USP28: variants seen among roughly 807,000 people sequenced by gnomAD.
The protein encoded by USP28 is ubiquitin specific peptidase 28.
A neutral mutation model predicts 145.0 loss-of-function variants in USP28; 113 were observed. That is an observed-to-expected ratio of 0.78 (90% confidence interval 0.67 to 0.91). The LOEUF (loss-of-function observed/expected upper bound fraction) is 0.91. Among genes scored for constraint, USP28 ranks in the 40% least tolerant of loss-of-function variants. The probability of loss-of-function intolerance (pLI) is 0.00; values close to 1 mark genes in which losing one functional copy is unlikely to be tolerated. For synonymous variants in USP28, 447 were observed against 450.9 expected (o/e 0.99, Z 0.11); for missense variants, 1,201 against 1,289.6 (o/e 0.93, Z 1.05).
intron 8 of USP28, among the ~76,000 whole-genome samples, chr11:113,831,470 T>C (rs1189269783): frequency 6.6e-6 from 1 of 152,190 alleles, no homozygotes; most frequent in Non-Finnish European, 1.5e-5. Flanking sequence ...AAAACACAGA[T>C]TTCTCAGAGG....
intron 18 of USP28, 56 bp downstream of exon 19, chr11:113,807,895 G>C: frequency 1.0e-6 from 1 of 981,370 alleles, no homozygotes; most frequent in Non-Finnish European, 1.2e-6. Context: ...ATAGTCACAA[G>C]AGAAGGAAAT....
chr11:113,816,167 T>G (rs985746286), intron 13 of USP28, among the ~76,000 whole-genome samples: 11 of 152,150 alleles, frequency 7.2e-5, no homozygotes, highest in African/African-American at 2.7e-4. Context: ...TAGTTAGGTT[T>G]CTCTTTTACA....
Position 113,813,948 on chromosome 11 carries a change from C to A in USP28, c.1680G>T (p.Lys560Asn), listed in dbSNP as rs137875806. 16 of 1,605,176 alleles carry A rather than the reference C, an allele frequency of 1.0e-5. No homozygotes were observed. The African/African-American group carries it at 1.6e-4, about 16-fold the overall frequency. ...TCTGAGTAGTACTTGCAATACAAGT[C>A]TTTAAATCTGTTTGGAAAAAGAAAA... The change falls in exon 15 of 25, where the codon AAG becomes AAT. Residue 560 changes from lysine to asparagine, a missense_variant. Lys to Asn is a moderately conservative substitution (Grantham distance 94). Transcript: ENST00000003302.
intron 3 of USP28, among the ~76,000 whole-genome samples, chr11:113,843,619 C>T (rs1294019400): frequency 2.1e-5 from 3 of 141,484 alleles, no homozygotes; most frequent in Non-Finnish European, 4.5e-5. Context: ...TATGGTGACC[C>T]AACATCATGC....
At chr11:113,805,269 T>TC (rs1310565388) in intron 19 of USP28, among the ~76,000 whole-genome samples, 1 of 150,994 alleles carries the variant, frequency 6.6e-6, no homozygotes, top group South Asian at 2.1e-4. Flanking sequence ...CTTTTTTTTT[T>TC]TTTTGAGACA....
chr11:113,803,399 A>G (rs2135152431), intron 22 of USP28, 118 bp from the exon 24 acceptor site: 1 of 1,192,244 alleles, frequency 8.4e-7, no homozygotes, highest in Non-Finnish European at 1.1e-6. Flanking sequence ...AAAGTGAAGG[A>G]CCAAAGACCG....
chr11:113,863,721 G>A (rs531926055), intron 1 of USP28, among the ~76,000 whole-genome samples: 3 of 151,674 alleles, frequency 2.0e-5, no homozygotes, highest in Non-Finnish European at 2.9e-5. Flanking sequence ...TGAGGCGGCC[G>A]GATCACAAGG....
intron 7 of USP28, 48 bp from the exon 8 acceptor site, chr11:113,832,041 G>C: frequency 6.7e-7 from 1 of 1,483,910 alleles, no homozygotes; most frequent in Non-Finnish European, 9.4e-7. Flanking sequence ...AATACTAAGA[G>C]AAATTAAAAT....
chr11:113,827,526 C>T (rs1472318746), intron 10 of USP28, among the ~76,000 whole-genome samples, 166 bp from the exon 11 acceptor site: 1 of 152,156 alleles, frequency 6.6e-6, no homozygotes, highest in Non-Finnish European at 1.5e-5. Flanking sequence ...TAAAGGGAAT[C>T]AACACTTAGA....
intron 5 of USP28, among the ~76,000 whole-genome samples, chr11:113,834,743 A>G (rs1944378368): frequency 6.6e-6 from 1 of 152,236 alleles, no homozygotes; most frequent in African/African-American, 2.4e-5. Flanking sequence ...TATAAACTAT[A>G]CTACATTTAT....
chr11:113,846,273 C>G (rs984562196), intron 3 of USP28, among the ~76,000 whole-genome samples: 3 of 152,096 alleles, frequency 2.0e-5, no homozygotes, highest in African/African-American at 7.2e-5. Flanking sequence ...TTTAATATTT[C>G]TGAACTGTAC....
At chr11:113,874,752 T>C (rs990269349) in intron 1 of USP28, 1 of 1,168,698 alleles carries the variant, frequency 8.6e-7, no homozygotes, top group Non-Finnish European at 1.1e-6. Context: ...CCAGGGTTCT[T>C]TCACTCTCAC....
chr11:113,836,478 C>T (rs549029650), intron 5 of USP28, among the ~76,000 whole-genome samples: 1 of 152,260 alleles, frequency 6.6e-6, no homozygotes, highest in African/African-American at 2.4e-5. Context: ...AAGTACCTCG[C>T]TAATATGGCA....
chr11:113,829,027 A>T (rs1943684645), intron 10 of USP28, 170 bp downstream of exon 10: 2 of 848,884 alleles, frequency 2.4e-6, no homozygotes, highest in African/African-American at 3.4e-5. Flanking sequence ...TTATTTATCA[A>T]AGTACTGATA....
chr11:113,798,472 A>G (rs147974891), exon 25 of USP28: 22 of 152,454 alleles, frequency 1.4e-4, no homozygotes, highest in African/African-American at 5.3e-4. Flanking sequence ...GGCCAGCAGT[A>G]GCCCTATTGA....
At chr11:113,827,099 A>AACTTTG in intron 11 of USP28, 134 bp downstream of exon 11, 1 of 1,120,986 alleles carries the variant, frequency 8.9e-7, no homozygotes, top group South Asian at 1.8e-5. Flanking sequence ...AAAGACCCTC[A>AACTTTG]ACCTAGACTC....
chr11:113,849,286 A>T (rs1470048886), intron 3 of USP28, among the ~76,000 whole-genome samples: 2 of 152,212 alleles, frequency 1.3e-5, no homozygotes, highest in Non-Finnish European at 2.9e-5. Context: ...AACAGCTCCC[A>T]ATAGACCAAT....
Position 113,829,477 on chromosome 11 carries a change from T to C in USP28, c.911-132A>G. 5.7e-6 allele frequency: 6 copies of C among 1,055,910 alleles called. No individual in the cohort carries two copies. The South Asian group carries it at 9.8e-5, about 17-fold the overall frequency. The allele number at this position is 1,055,910 out of a possible 1,614,324, so 65.4% of individuals were successfully genotyped here. Reference sequence around the variant, plus strand: ...CTGGTTAGAAATGCACTTACGCCTTTATAGCAACCTCTAGTGAGCCAGTCA... The same window carrying C: ...CTGGTTAGAAATGCACTTACGCCTTCATAGCAACCTCTAGTGAGCCAGTCA... On this transcript the variant is annotated intron_variant, in intron 9 of 24. Transcript: ENST00000003302.
intron 15 of USP28, among the ~76,000 whole-genome samples, chr11:113,813,095 T>C (rs185589002): frequency 6.6e-4 from 100 of 152,352 alleles, no homozygotes; most frequent in Non-Finnish European, 1.1e-3. Context: ...GCTAACTAAA[T>C]ACTAGTAAAA....
Sources: gnomAD v4.1 joint callset for allele counts (sites outside exome capture counted in the v4.1 genomes callset) on GRCh38, gnomAD v4.1.1 for gene constraint, MANE v1.5 for transcripts, NCBI Gene and HGNC (gene_info 2026-07-23, HGNC 2026-07-21) for gene names.